OR2L13: variants seen among roughly 807,000 people sequenced by gnomAD.
OR2L13 encodes olfactory receptor 2L13.
A neutral mutation model predicts 15.3 loss-of-function variants in OR2L13; 14 were observed. The observed-to-expected ratio is 0.91, with a 90% confidence interval of 0.60 to 1.43. The LOEUF (loss-of-function observed/expected upper bound fraction) is 1.43. Among genes scored for constraint, OR2L13 ranks in the 40% most tolerant of loss-of-function variants. The pLI is 0.00. For synonymous variants in OR2L13, 152 were observed against 142.9 expected, an observed-to-expected ratio of 1.06 and a Z score of -0.45; for missense variants, 367 against 387.9, an observed-to-expected ratio of 0.95 and a Z score of 0.45.
the OR2L13 span, among the ~76,000 whole-genome samples, chr1:248,011,318 A>C: frequency 6.6e-6 from 1 of 152,104 alleles, no homozygotes; most frequent in Non-Finnish European, 1.5e-5. Flanking sequence ...AGAGAGATCC[A>C]CTGTTAATTT....
the OR2L13 span, among the ~76,000 whole-genome samples, chr1:247,948,162 A>G: frequency 1.3e-5 from 2 of 152,094 alleles, no homozygotes; most frequent in Admixed American, 1.3e-4. Flanking sequence ...GCAGTGAGCT[A>G]TGATCTTGCC....
chr1:248,074,002 A>G, the OR2L13 span, among the ~76,000 whole-genome samples: 4 of 152,116 alleles, frequency 2.6e-5, no homozygotes, highest in African/African-American at 9.6e-5. Context: ...ACTTAAAAAA[A>G]TTAAATCTCT....
the OR2L13 span, among the ~76,000 whole-genome samples, chr1:248,057,787 A>C: frequency 6.6e-6 from 1 of 151,970 alleles, no homozygotes; most frequent in African/African-American, 2.4e-5. Context: ...TGTAGTTTTC[A>C]GATTGTTCTT....
the OR2L13 span, among the ~76,000 whole-genome samples, chr1:247,992,249 C>T: frequency 6.6e-6 from 1 of 151,268 alleles, no homozygotes; most frequent in South Asian, 2.1e-4. Context: ...GCTTACTCTA[C>T]TGTAAGAATA....
the OR2L13 span, among the ~76,000 whole-genome samples, chr1:248,058,283 C>T: frequency 1.3e-5 from 2 of 152,054 alleles, no homozygotes; most frequent in African/African-American, 2.4e-5. Flanking sequence ...TATTTTCAGA[C>T]AATACATTCA....
the OR2L13 span, among the ~76,000 whole-genome samples, chr1:247,951,007 T>C: frequency 6.6e-6 from 1 of 152,220 alleles, no homozygotes; most frequent in South Asian, 2.1e-4. Flanking sequence ...ATTGTACGTG[T>C]TTTTCAAAAC....
chr1:247,980,025 TA>T, the OR2L13 span, among the ~76,000 whole-genome samples: 1 of 152,154 alleles, frequency 6.6e-6, no homozygotes, highest in Non-Finnish European at 1.5e-5. Context: ...AAATATTTCT[TA>T]AAAACATTTA....
chr1:248,038,622 T>C, the OR2L13 span: 5 of 1,614,072 alleles, frequency 3.1e-6, no homozygotes, highest in East Asian at 1.1e-4. Flanking sequence ...ATCAATGGCC[T>C]ATGATCGTTA....
At chr1:248,061,530 G>A in the OR2L13 span, 16 of 1,613,714 alleles carry the variant, frequency 9.9e-6, no homozygotes, top group African/African-American at 4.0e-5. Flanking sequence ...TCACTCCAAT[G>A]CTCAACCCCA....
chr1:248,087,845 A>G, the OR2L13 span, among the ~76,000 whole-genome samples: 2 of 152,220 alleles, frequency 1.3e-5, no homozygotes, highest in Non-Finnish European at 2.9e-5. Flanking sequence ...AGCAAGCACA[A>G]TGAATTAGTG....
the OR2L13 span, chr1:248,038,856 A>G: frequency 6.2e-7 from 1 of 1,614,172 alleles, no homozygotes; most frequent in South Asian, 1.1e-5. Context: ...CTATGAGAGC[A>G]CAGTGTTTTT....
chr1:248,048,067 G>A, the OR2L13 span, among the ~76,000 whole-genome samples: 21 of 152,264 alleles, frequency 1.4e-4, no homozygotes, highest in East Asian at 3.3e-3. Context: ...GAGTAAGCAC[G>A]TCCTCATTCC....
chr1:248,006,818 T>C, the OR2L13 span, among the ~76,000 whole-genome samples: 1 of 152,154 alleles, frequency 6.6e-6, no homozygotes, highest in Non-Finnish European at 1.5e-5. Context: ...TCATACAAGC[T>C]ACCATCTATG....
chr1:247,965,883 T>C, the OR2L13 span: 3 of 1,613,760 alleles, frequency 1.9e-6, no homozygotes, highest in Non-Finnish European at 2.5e-6. Context: ...TTCCATTCTG[T>C]AGGTCTCGGC....
At chr1:248,084,219 T>G in the OR2L13 span, 2 of 1,611,650 alleles carry the variant, frequency 1.2e-6, no homozygotes, top group Admixed American at 3.3e-5. Flanking sequence ...TCGGAGTGGG[T>G]GGCAGACAGC....
At chr1:248,066,552 CCA>C in the OR2L13 span, among the ~76,000 whole-genome samples, 370 of 152,290 alleles carry the variant, frequency 2.4e-3, no homozygotes, top group African/African-American at 8.3e-3. Flanking sequence ...AATACGTGGA[CCA>C]CACATGTTGG....
chr1:247,989,599 G>A, the OR2L13 span, among the ~76,000 whole-genome samples: 1 of 151,854 alleles, frequency 6.6e-6, no homozygotes, highest in Non-Finnish European at 1.5e-5. Flanking sequence ...ATAATTTCTG[G>A]GTGACAAAAT....
At chr1:248,075,745 G>T in the OR2L13 span, among the ~76,000 whole-genome samples, 3 of 152,196 alleles carry the variant, frequency 2.0e-5, no homozygotes, top group African/African-American at 4.8e-5. Context: ...TGTATATTCT[G>T]GATATTAGCC....
the OR2L13 span, chr1:248,061,451 C>T: frequency 1.2e-6 from 2 of 1,613,932 alleles, no homozygotes; most frequent in African/African-American, 1.3e-5. Flanking sequence ...TTTGTCTACA[C>T]TTATCTACGT....
Sources: allele counts gnomAD v4.1 joint callset (sites outside exome capture counted in the v4.1 genomes callset), GRCh38; gene constraint gnomAD v4.1.1; transcripts MANE v1.5; gene names NCBI Gene and HGNC (gene_info 2026-07-23, HGNC 2026-07-21).